Variants in TMEM178B observed in about 807,000 individuals in gnomAD.
TMEM178B encodes the protein transmembrane protein 178B.
Under a neutral mutation model 31.0 loss-of-function variants are expected in TMEM178B, and 5 were observed. That is an observed-to-expected ratio of 0.16 (90% CI 0.08 to 0.34). The LOEUF is 0.34. Ranked by LOEUF, TMEM178B falls within the 10% of genes least tolerant of loss-of-function variation. The pLI is 1.00. For missense variants in TMEM178B, 275 were observed against 400.3 expected, an observed-to-expected ratio of 0.69 and a Z score of 2.67; for synonymous variants, 164 against 164.0, an observed-to-expected ratio of 1.00 and a Z score of 0.00.
intron 2 of TMEM178B, among the ~76,000 whole-genome samples, chr7:141,355,610 TGCCGATGCATTCAAC>T (rs1418793616): frequency 1.3e-5 from 2 of 152,238 alleles, no homozygotes; most frequent in Admixed American, 6.5e-5. Flanking sequence ...GGGCATTCAA[TGCCGATGCATTCAAC>T]GCAGGTTAGG....
intron 2 of TMEM178B, among the ~76,000 whole-genome samples, chr7:141,403,689 C>T (rs1800828532): frequency 6.6e-6 from 1 of 152,176 alleles, no homozygotes; most frequent in Non-Finnish European, 1.5e-5. Context: ...GTACTTAGTC[C>T]CATGCCTGGT....
chr7:141,079,997 G>A (rs1436567279), intron 1 of TMEM178B, among the ~76,000 whole-genome samples: 1 of 152,170 alleles, frequency 6.6e-6, no homozygotes, highest in Non-Finnish European at 1.5e-5. Flanking sequence ...ATCGGGGCAG[G>A]AGTGAGGTGG....
chr7:141,411,887 C>A (rs1800996509), intron 2 of TMEM178B, among the ~76,000 whole-genome samples: 1 of 152,168 alleles, frequency 6.6e-6, no homozygotes, highest in Non-Finnish European at 1.5e-5. Flanking sequence ...TGGGAGGAGG[C>A]AGGTCTGGCT....
At chr7:141,133,908 G>A (rs2129178102) in intron 1 of TMEM178B, among the ~76,000 whole-genome samples, 1 of 152,240 alleles carries the variant, frequency 6.6e-6, no homozygotes, top group African/African-American at 2.4e-5. Flanking sequence ...AACCTTAGAG[G>A]CCAAGAGAAT....
chr7:141,358,513 G>A (rs1799861742), intron 2 of TMEM178B, among the ~76,000 whole-genome samples: 1 of 152,098 alleles, frequency 6.6e-6, no homozygotes, highest in Non-Finnish European at 1.5e-5. Flanking sequence ...CAGAGACAGG[G>A]ATGTTCTTTG....
chr7:141,436,711 C>T (rs1586959569), intron 2 of TMEM178B, among the ~76,000 whole-genome samples: 1 of 151,962 alleles, frequency 6.6e-6, no homozygotes, highest in Non-Finnish European at 1.5e-5. Flanking sequence ...TGCAGGAGGG[C>T]AGGGGTGGGA....
At chr7:141,315,464 G>T (rs577268325) in intron 2 of TMEM178B, among the ~76,000 whole-genome samples, 19 of 151,516 alleles carry the variant, frequency 1.3e-4, no homozygotes, top group Non-Finnish European at 2.5e-4. Context: ...TCCTTGTCTA[G>T]AATGCCCTCT....
At chr7:141,325,315 C>T (rs996792189) in intron 2 of TMEM178B, among the ~76,000 whole-genome samples, 1 of 152,144 alleles carries the variant, frequency 6.6e-6, no homozygotes, top group African/African-American at 2.4e-5. Context: ...GTCATCCCCC[C>T]AAGCCCCCAG....
rs1308603916 is a variant in TMEM178B, at chr7:141,473,963, C to T, written c.*3177C>T. The T allele has an allele frequency of 6.6e-6, 1 of 152,252 alleles. No individual in the cohort carries two copies. The highest frequency in any genetic ancestry group is 1.5e-5 in the Non-Finnish European group (1 of 68,114). The allele number at this position is 152,252 out of a possible 1,614,324, so 9.4% of individuals were successfully genotyped here. ...AGGAGGAGGAAGAGAGGAGCCTTGACTTGTGAGGCTCTGTAGGTCAGACTC... is the reference window on the plus strand; with the variant it reads ...AGGAGGAGGAAGAGAGGAGCCTTGATTTGTGAGGCTCTGTAGGTCAGACTC... On this transcript the variant is annotated 3_prime_UTR_variant, in exon 4 of 4. Transcript: ENST00000565468.
chr7:141,352,881 A>T (rs945818128), intron 2 of TMEM178B: 4 of 152,256 alleles, frequency 2.6e-5, no homozygotes, highest in African/African-American at 9.6e-5. Flanking sequence ...ACACGATTTC[A>T]TAGAAGTTTG....
At chr7:141,380,635 ATTG>A (rs1214176042) in intron 2 of TMEM178B, among the ~76,000 whole-genome samples, 2 of 152,146 alleles carry the variant, frequency 1.3e-5, no homozygotes, top group Non-Finnish European at 2.9e-5. Flanking sequence ...CCAACTGCTT[ATTG>A]TTGTTGTTAT....
intron 2 of TMEM178B, among the ~76,000 whole-genome samples, chr7:141,373,977 A>C (rs1800165215): frequency 6.6e-6 from 1 of 152,228 alleles, no homozygotes; most frequent in African/African-American, 2.4e-5. Context: ...GGACTTTAAC[A>C]GACAAGGAAA....
At chr7:141,202,441 A>G (rs1271079784) in intron 1 of TMEM178B, among the ~76,000 whole-genome samples, 1 of 152,220 alleles carries the variant, frequency 6.6e-6, no homozygotes, top group Non-Finnish European at 1.5e-5. Flanking sequence ...AGCACCTCTC[A>G]TAACAAACAT....
At chr7:141,447,416 T>G (rs1421932230) in intron 3 of TMEM178B, among the ~76,000 whole-genome samples, 1 of 151,876 alleles carries the variant, frequency 6.6e-6, no homozygotes, top group Non-Finnish European at 1.5e-5. Flanking sequence ...CTGTTGGGTC[T>G]GAAGAAGTTG....
At chr7:141,133,266 AAG>A (rs1244166853) in intron 1 of TMEM178B, among the ~76,000 whole-genome samples, 1 of 152,220 alleles carries the variant, frequency 6.6e-6, no homozygotes, top group Non-Finnish European at 1.5e-5. Flanking sequence ...ATGCCTGAAA[AAG>A]AATTCAAAAT....
chr7:141,295,106 T>C (rs1027577917), intron 2 of TMEM178B, among the ~76,000 whole-genome samples: 2 of 152,216 alleles, frequency 1.3e-5, no homozygotes, highest in Non-Finnish European at 2.9e-5. Context: ...TGGCCAGAGC[T>C]GCCCACCTGG....
intron 1 of TMEM178B, among the ~76,000 whole-genome samples, chr7:141,187,269 G>A (rs1319630013): frequency 1.3e-5 from 2 of 151,128 alleles, no homozygotes; most frequent in South Asian, 2.1e-4. Context: ...AAGGACATGA[G>A]CTCATCATTT....
chr7:141,220,769 T>C (rs950474345), intron 2 of TMEM178B, among the ~76,000 whole-genome samples: 12 of 152,208 alleles, frequency 7.9e-5, no homozygotes, highest in African/African-American at 2.7e-4. Flanking sequence ...AGCGCACTGA[T>C]ACGGACACCA....
chr7:141,199,841 G>T (rs1002584051), intron 1 of TMEM178B, among the ~76,000 whole-genome samples: 6 of 152,164 alleles, frequency 3.9e-5, no homozygotes, highest in Non-Finnish European at 7.4e-5. Flanking sequence ...CACGAGGTCA[G>T]GAGATCGAGA....
Sources: gnomAD v4.1 joint callset for allele counts (sites outside exome capture counted in the v4.1 genomes callset) on GRCh38, gnomAD v4.1.1 for gene constraint, MANE v1.5 for transcripts, NCBI Gene and HGNC (gene_info 2026-07-23, HGNC 2026-07-21) for gene names.